The following RNF24 variants were observed in gnomAD, a reference collection of about 807,000 sequenced individuals.
RNF24 encodes the protein ring finger protein 24.
RNF24 carries 14 observed loss-of-function variants against 20.0 expected under a neutral mutation model. The ratio of observed to expected loss-of-function variants is 0.70; its 90% CI spans 0.46 to 1.10. The LOEUF is 1.10. Ranked by LOEUF, RNF24 falls within the 50% of genes least tolerant of loss-of-function variation. The pLI is 0.00. For synonymous variants in RNF24, 45 were observed against 61.1 expected (o/e 0.74, Z 1.23); for missense variants, 124 against 177.6 (o/e 0.70, Z 1.71).
intron 2 of RNF24, among the ~76,000 whole-genome samples, chr20:3,955,721 T>C (rs750613747): frequency 2.6e-5 from 4 of 152,220 alleles, no homozygotes; most frequent in African/African-American, 7.2e-5. Context: ...TTGGAAAATA[T>C]TGACACTGTA....
At position 3,934,253 on chromosome 20, in the gene RNF24, C is replaced by A; in HGVS notation, c.309-52G>T. ...AGATGTCAGTCCTATGCTCATGGCACGGCTGTTCTGCTGAACATCTCCATA... is the reference window on the plus strand; with the variant it reads ...AGATGTCAGTCCTATGCTCATGGCAAGGCTGTTCTGCTGAACATCTCCATA... On this transcript the variant is annotated intron_variant, in intron 5 of 5. Transcript: ENST00000358395. This position sits in a 1 kb window ranked among gnomAD's most constrained non-coding sequence, Gnocchi z 4.0. The A allele has an allele frequency of 6.4e-7, 1 of 1,559,444 alleles. No homozygotes were observed. Among genetic ancestry groups the A allele is most frequent in the Non-Finnish European group, 8.7e-7 (1 of 1,151,826 alleles).
chr20:4,002,024 A>G (rs1981439411), intron 1 of RNF24, among the ~76,000 whole-genome samples: 2 of 151,804 alleles, frequency 1.3e-5, no homozygotes, highest in Non-Finnish European at 2.9e-5. Flanking sequence ...AGGCCGAGGC[A>G]GGCAGATCAG....
chr20:3,953,020 A>G (rs939949405), intron 2 of RNF24, among the ~76,000 whole-genome samples: 4 of 152,180 alleles, frequency 2.6e-5, no homozygotes, highest in Admixed American at 2.0e-4. Flanking sequence ...TCATGAAATG[A>G]GCTGAGAAGT....
chr20:3,963,736 A>G (rs377428513), intron 2 of RNF24, 139 bp downstream of exon 2: 4 of 614,644 alleles, frequency 6.5e-6, no homozygotes, highest in East Asian at 2.8e-5. Flanking sequence ...ACTAATGCAC[A>G]GATTAAAACG....
intron 4 of RNF24, among the ~76,000 whole-genome samples, chr20:3,941,844 G>T (rs773904904): frequency 1.3e-5 from 2 of 152,028 alleles, no homozygotes; most frequent in Non-Finnish European, 2.9e-5. Context: ...GAGGCCGAGG[G>T]GGGCAGATCA....
chr20:3,940,684 A>G (rs2090944455), intron 4 of RNF24, among the ~76,000 whole-genome samples: 1 of 152,214 alleles, frequency 6.6e-6, no homozygotes, highest in South Asian at 2.1e-4. Flanking sequence ...AAAAGCAGCC[A>G]GAGAAAGTGA....
intron 1 of RNF24, among the ~76,000 whole-genome samples, chr20:4,007,291 G>A (rs180787922): frequency 2.0e-5 from 3 of 152,266 alleles, no homozygotes; most frequent in Admixed American, 6.5e-5. Flanking sequence ...ATCCCTTAGG[G>A]TTAGAAGTAC....
intron 1 of RNF24, among the ~76,000 whole-genome samples, chr20:3,981,620 C>T (rs1013282204): frequency 3.9e-5 from 6 of 151,962 alleles, no homozygotes; most frequent in African/African-American, 1.5e-4. Flanking sequence ...ATACTCCTGC[C>T]TCAGCCTCCC....
Position 3,947,881 on chromosome 20 carries a change from T to C in RNF24, c.186+356A>G, listed in dbSNP as rs559998333. ...GACCAACATGGAGAAACCCCGTCTC[T>C]ACTAAAAATACAAAATTAGCCAGGC... On this transcript the variant is annotated intron_variant, in intron 3 of 5. Coordinates refer to ENST00000358395, the MANE Select transcript of RNF24 (RefSeq NM_001134337.3). Among the ~76,000 whole-genome samples, 285 of 152,152 alleles carry C rather than the reference T, an allele frequency of 1.9e-3. 2 individuals carry two copies. Among genetic ancestry groups the C allele is most frequent in the African/African-American group, 6.6e-3 (273 of 41,524 alleles).
At chr20:3,996,146 G>A (rs2147055781) in intron 1 of RNF24, among the ~76,000 whole-genome samples, 2 of 152,292 alleles carry the variant, frequency 1.3e-5, no homozygotes, top group Admixed American at 1.3e-4. Context: ...TACGTCAAGA[G>A]TTGGGTCTAT....
intron 1 of RNF24, among the ~76,000 whole-genome samples, chr20:3,976,620 C>T (rs1978891267): frequency 6.6e-6 from 1 of 152,152 alleles, no homozygotes; most frequent in Non-Finnish European, 1.5e-5. Flanking sequence ...AAATTAGAAA[C>T]AACCCAAATA....
intron 3 of RNF24, among the ~76,000 whole-genome samples, chr20:3,946,693 C>CA (rs59440287): frequency 0.34 from 35,509 of 104,366 alleles, 5,937 homozygotes; most frequent in African/African-American, 0.49. Context: ...GAGACCCCGT[C>CA]AAAAAAAAAA....
At chr20:4,013,152 A>AT (rs1370098753) in intron 1 of RNF24, among the ~76,000 whole-genome samples, 5 of 151,574 alleles carry the variant, frequency 3.3e-5, no homozygotes, top group Admixed American at 2.0e-4. Context: ...ACTTTCATTA[A>AT]TTTTTTTTTA....
intron 1 of RNF24, among the ~76,000 whole-genome samples, chr20:3,968,133 G>A (rs921126727): frequency 7.9e-5 from 12 of 151,600 alleles, no homozygotes; most frequent in East Asian, 3.9e-4. Context: ...GTGAAACCCC[G>A]TCTCTACTAA....
Position 3,931,111 on chromosome 20 carries a change from G to C in RNF24, c.*2952C>G, listed in dbSNP as rs2090815974. 1 of 152,254 alleles carries C rather than the reference G, an allele frequency of 6.6e-6. No homozygotes were observed. Among genetic ancestry groups the C allele is most frequent in the Non-Finnish European group, 1.5e-5 (1 of 68,086 alleles). 9.4% of individuals were successfully genotyped at this position (152,254 alleles called of 1,614,324 possible). ...TTTCTGAAGGCAGTTGAATTCAGTT[G>C]TACCCCTAGCAACTACTAATGGTTC... On this transcript the variant is annotated 3_prime_UTR_variant, in exon 6 of 6. Transcript: ENST00000358395.
chr20:4,001,248 C>A (rs1015443820), intron 1 of RNF24, among the ~76,000 whole-genome samples: 23 of 152,070 alleles, frequency 1.5e-4, no homozygotes, highest in Non-Finnish European at 2.6e-4. Flanking sequence ...GCCCAGGTGA[C>A]AGAGTGAGAC....
At chr20:3,983,940 CAAAAAAAAAA>C (rs56680870) in intron 1 of RNF24, among the ~76,000 whole-genome samples, 2 of 65,666 alleles carry the variant, frequency 3.0e-5, no homozygotes, top group Non-Finnish European at 2.7e-5. Context: ...GACTTGGTCT[CAAAAAAAAAA>C]AAAAAAAAAA....
rs1014942722 is a variant in RNF24, at chr20:4,005,666, T to C, written c.-8+9771A>G. On this transcript the variant is annotated intron_variant, in intron 1 of 5. Coordinates refer to ENST00000358395, the MANE Select transcript of RNF24 (RefSeq NM_001134337.3). ...AGGTTCTATTTCAAATTTATATCACTGAGCATAATTTCACATGCTCAGATT... is the reference window on the plus strand; with the variant it reads ...AGGTTCTATTTCAAATTTATATCACCGAGCATAATTTCACATGCTCAGATT... 3.4e-4 allele frequency among the ~76,000 whole-genome samples: 52 copies of C among 152,334 alleles called. 1 individual carries two copies. The highest frequency in any genetic ancestry group is 1.2e-3 in the African/African-American group (50 of 41,568).
intron 1 of RNF24, among the ~76,000 whole-genome samples, chr20:3,999,784 A>G (rs1430691653): frequency 1.3e-5 from 2 of 152,190 alleles, no homozygotes; most frequent in Non-Finnish European, 2.9e-5. Context: ...CAAACAAACA[A>G]AAAAAGTCAC....
Sources: gnomAD v4.1 joint callset for allele counts (sites outside exome capture counted in the v4.1 genomes callset) on GRCh38, gnomAD v4.1.1 for gene constraint, Gnocchi (gnomAD v3.1) non-coding constraint, MANE v1.5 for transcripts, NCBI Gene and HGNC (gene_info 2026-07-23, HGNC 2026-07-21) for gene names.